The following ERC2 variants were observed in gnomAD, a reference collection of about 807,000 sequenced individuals.
ERC2 encodes ELKS/RAB6-interacting/CAST family member 2, also known as ERC protein 2.
ERC2 carries 42 observed loss-of-function variants against 114.8 expected under a neutral mutation model. The observed-to-expected ratio is 0.37, with a 90% CI of 0.29 to 0.47. The LOEUF is 0.47. Ranked by LOEUF, ERC2 falls within the 20% of genes least tolerant of loss-of-function variation. The pLI is 0.99. For missense variants in ERC2, 939 were observed against 1,150.7 expected, an observed-to-expected ratio of 0.82 and a Z score of 2.66; for synonymous variants, 454 against 425.5, an observed-to-expected ratio of 1.07 and a Z score of -0.82.
At chr3:55,989,585 T>C (rs558622120) in intron 11 of ERC2, among the ~76,000 whole-genome samples, 1 of 152,328 alleles carries the variant, frequency 6.6e-6, no homozygotes, top group African/African-American at 2.4e-5. Context: ...TTCTTTCTTC[T>C]GGCCCATTAG....
At chr3:56,080,004 C>T (rs578154152) in intron 7 of ERC2, among the ~76,000 whole-genome samples, 8 of 152,206 alleles carry the variant, frequency 5.3e-5, no homozygotes, top group Admixed American at 1.3e-4. Context: ...GAGGCTCCTG[C>T]GGCCCACCAT....
intron 4 of ERC2, among the ~76,000 whole-genome samples, chr3:56,156,762 C>A (rs2081746000): frequency 6.6e-6 from 1 of 152,134 alleles, no homozygotes; most frequent in African/African-American, 2.4e-5. Flanking sequence ...GTAACACACA[C>A]TAAAGCAAAG....
intron 14 of ERC2, among the ~76,000 whole-genome samples, chr3:55,814,326 T>C (rs2059830081): frequency 6.6e-6 from 1 of 152,216 alleles, no homozygotes; most frequent in African/African-American, 2.4e-5. Flanking sequence ...AAGCCAGTGG[T>C]AATATACTCA....
intron 2 of ERC2, among the ~76,000 whole-genome samples, chr3:56,311,455 C>T (rs566291179): frequency 8.9e-4 from 135 of 151,220 alleles, no homozygotes; most frequent in African/African-American, 3.0e-3. Flanking sequence ...CCCGCCACCA[C>T]GCCCAGCTAA....
chr3:55,703,885 G>A (rs567126826), intron 15 of ERC2, among the ~76,000 whole-genome samples: 15 of 152,156 alleles, frequency 9.9e-5, no homozygotes, highest in African/African-American at 2.2e-4. Flanking sequence ...TAGGCAAGTC[G>A]AATTGGTCTT....
Position 55,904,710 on chromosome 3 carries a change from G to T in ERC2, c.2404-16161C>A, listed in dbSNP as rs148250424. 1.4e-4 allele frequency among the ~76,000 whole-genome samples: 22 copies of T among 152,278 alleles called. No homozygotes were observed. The East Asian group carries it at 4.2e-3, about 29-fold the overall frequency. ...TCTTCAGTGAAGAAAGAAAGCGTCT[G>T]GGGGGAAACACATTTCTGAACAAGA... On this transcript the variant is annotated intron_variant, in intron 13 of 17. Coordinates refer to ENST00000288221, the MANE Select transcript of ERC2 (RefSeq NM_015576.3).
At chr3:55,800,686 A>C (rs2070977361) in intron 14 of ERC2, among the ~76,000 whole-genome samples, 1 of 151,988 alleles carries the variant, frequency 6.6e-6, no homozygotes, top group South Asian at 2.1e-4. Flanking sequence ...ACGGCACTAG[A>C]TATTGTCCAT....
At chr3:55,895,531 C>A (rs1378378964) in intron 13 of ERC2, among the ~76,000 whole-genome samples, 1 of 152,182 alleles carries the variant, frequency 6.6e-6, no homozygotes, top group Non-Finnish European at 1.5e-5. Context: ...TACTTTCACC[C>A]AACCCAACTG....
intron 7 of ERC2, among the ~76,000 whole-genome samples, chr3:56,079,246 C>T (rs961010038): frequency 2.6e-5 from 4 of 152,136 alleles, no homozygotes; most frequent in Non-Finnish European, 5.9e-5. Flanking sequence ...AATTGATTCA[C>T]GAAAGCGCTT....
chr3:55,648,443 G>A (rs1475204272), intron 17 of ERC2, among the ~76,000 whole-genome samples: 2 of 152,134 alleles, frequency 1.3e-5, no homozygotes, highest in East Asian at 3.9e-4. Context: ...AGGACTTTAC[G>A]TGCTGCCTGG....
At chr3:56,188,335 G>A (rs1023150799) in intron 3 of ERC2, among the ~76,000 whole-genome samples, 1 of 152,162 alleles carries the variant, frequency 6.6e-6, no homozygotes, top group African/African-American at 2.4e-5. Context: ...CGTGGAGAAG[G>A]CGTGGGAGAG....
intron 2 of ERC2, among the ~76,000 whole-genome samples, chr3:56,422,348 C>G (rs2061418355): frequency 6.6e-6 from 1 of 152,184 alleles, no homozygotes; most frequent in Non-Finnish European, 1.5e-5. Context: ...TAATGAGCAT[C>G]CTGAGAGATA....
intron 2 of ERC2, among the ~76,000 whole-genome samples, chr3:56,394,770 A>AT: frequency 6.6e-6 from 1 of 152,360 alleles, no homozygotes; most frequent in South Asian, 2.1e-4. Context: ...GCTGGTGGAA[A>AT]TGTAAAAGGG....
chr3:56,003,546 C>T (rs2072243920), intron 10 of ERC2, among the ~76,000 whole-genome samples: 1 of 152,096 alleles, frequency 6.6e-6, no homozygotes, highest in African/African-American at 2.4e-5. Context: ...TAAACGTTAT[C>T]ATTGAATTTA....
chr3:56,128,572 C>T (rs1350909540), intron 6 of ERC2, among the ~76,000 whole-genome samples: 1 of 152,276 alleles, frequency 6.6e-6, no homozygotes, highest in Admixed American at 6.5e-5. Flanking sequence ...TGATATGTGT[C>T]CTTACCCAAA....
intron 17 of ERC2, among the ~76,000 whole-genome samples, chr3:55,632,591 C>T (rs2059801269): frequency 6.6e-6 from 1 of 152,174 alleles, no homozygotes; most frequent in East Asian, 1.9e-4. Context: ...TTATGTCCCA[C>T]CCCCACTCCA....
At chr3:55,603,974 C>A (rs1327711370) in intron 17 of ERC2, among the ~76,000 whole-genome samples, 1 of 151,538 alleles carries the variant, frequency 6.6e-6, no homozygotes, top group Non-Finnish European at 1.5e-5. Context: ...GATGATTTCA[C>A]CCCCCCCAGC....
At chr3:55,972,535 T>C (rs2069244456) in intron 12 of ERC2, among the ~76,000 whole-genome samples, 1 of 152,246 alleles carries the variant, frequency 6.6e-6, no homozygotes. Context: ...GTGTTTGGTT[T>C]TCTGTTCCTG....
chr3:55,877,794 T>C (rs555201940), intron 14 of ERC2, among the ~76,000 whole-genome samples: 6 of 152,284 alleles, frequency 3.9e-5, no homozygotes, highest in Admixed American at 3.9e-4. Context: ...ATTACATAAA[T>C]AATTCTTCCT....
Sources: allele counts gnomAD v4.1 joint callset (sites outside exome capture counted in the v4.1 genomes callset), GRCh38; gene constraint gnomAD v4.1.1; transcripts MANE v1.5; gene names NCBI Gene and HGNC (gene_info 2026-07-23, HGNC 2026-07-21).